PXDN: variants seen among roughly 807,000 people sequenced by gnomAD.
The protein encoded by PXDN is peroxidasin, also known as peroxidasin homolog.
A neutral mutation model predicts 140.3 loss-of-function variants in PXDN; 77 were observed. The ratio of observed to expected loss-of-function variants is 0.55; its 90% CI spans 0.46 to 0.66. The LOEUF (loss-of-function observed/expected upper bound fraction) is 0.66. PXDN is among the 30% of genes least tolerant of loss of function. PXDN has a pLI of 0.00. For missense variants in PXDN, 1,838 were observed against 2,039.5 expected (o/e 0.90, Z 1.90); for synonymous variants, 911 against 857.4 (o/e 1.06, Z -1.09).
At chr2:1,696,122 C>T (rs1249348869) in intron 1 of PXDN, among the ~76,000 whole-genome samples, 1 of 152,238 alleles carries the variant, frequency 6.6e-6, no homozygotes, top group Admixed American at 6.5e-5. Flanking sequence ...ATAAATATAT[C>T]TTCGATAAAA....
chr2:1,692,445 G>A, intron 2 of PXDN: 2 of 468,834 alleles, frequency 4.3e-6, no homozygotes, highest in Middle Eastern at 3.3e-4. Flanking sequence ...CCTGGGGTGA[G>A]AGACCCCGGG....
At chr2:1,740,209 C>T (rs887444584) in intron 1 of PXDN, among the ~76,000 whole-genome samples, 1 of 152,176 alleles carries the variant, frequency 6.6e-6, no homozygotes, top group Admixed American at 6.5e-5. Flanking sequence ...AGGGAGTCCC[C>T]GGCAGGCGGG....
chr2:1,721,615 T>A (rs1400364141), intron 1 of PXDN, among the ~76,000 whole-genome samples: 2 of 152,160 alleles, frequency 1.3e-5, no homozygotes, highest in Non-Finnish European at 2.9e-5. Context: ...GGCGGGCGGA[T>A]CACGAGGTCA....
intron 11 of PXDN, 125 bp from the exon 12 acceptor site, chr2:1,663,888 G>A: frequency 8.2e-7 from 1 of 1,226,170 alleles, no homozygotes; most frequent in Non-Finnish European, 1.1e-6. Context: ...ATTTGGCCTG[G>A]CCCTGCATAA....
At chr2:1,634,457 T>C in intron 22 of PXDN, 134 bp from the exon 23 acceptor site, 1 of 1,177,584 alleles carries the variant, frequency 8.5e-7, no homozygotes, top group Non-Finnish European at 1.2e-6. Flanking sequence ...CCTTGCCCGC[T>C]GTACTTGCCC....
intron 1 of PXDN, among the ~76,000 whole-genome samples, chr2:1,697,746 C>G (rs536982834): frequency 1.5e-4 from 23 of 152,300 alleles, no homozygotes; most frequent in African/African-American, 5.5e-4. Flanking sequence ...GCTGAGGGTA[C>G]TGGAGAGGGA....
Position 1,665,054 on chromosome 2 carries a change from T to A in PXDN, c.1312A>T (p.Thr438Ser). The A allele has an allele frequency of 6.2e-7, 1 of 1,609,126 alleles. No homozygotes were observed. The highest frequency in any genetic ancestry group is 8.5e-7 in the Non-Finnish European group (1 of 1,177,372). ...TCAATAACGACTCTGTCCTGAGGCG[T>A]CACAGTGAACTGAGGAAGAGCTTCC... is the stretch of plus-strand genomic sequence containing the variant. ...IVQALPQFTV[T>S]PQDRVVIEGQ... Residue 438 changes from threonine (T) to serine (S), a missense_variant, in exon 11 of 23, where the codon ACG becomes TCG. Around this residue, in one of 5 missense-constraint regions of PXDN, gnomAD observed 537 missense variants for 583.9 expected, o/e 0.92. Coordinates refer to ENST00000252804, the MANE Select transcript of PXDN (RefSeq NM_012293.3).
intron 9 of PXDN, among the ~76,000 whole-genome samples, chr2:1,668,094 C>T (rs1018885864): frequency 6.6e-5 from 10 of 152,104 alleles, no homozygotes; most frequent in Admixed American, 3.3e-4. Flanking sequence ...ATAGTGCTAC[C>T]GAAACAGAGA....
rs187035834 is a variant in PXDN at position 1,688,167 on chromosome 2, C to A, written c.345-464G>T. 1.2e-3 allele frequency among the ~76,000 whole-genome samples: 179 copies of A among 152,282 alleles called. 1 individual carries two copies. Among genetic ancestry groups the A allele is most frequent in the South Asian group, 1.4e-3 (7 of 4,828 alleles). On this transcript the variant is annotated intron_variant, in intron 3 of 22. Transcript: ENST00000252804. ...CCTTGAATAACTCACCCCTAGAATC[C>A]CATTCTTAGAAAACAGAAGCAACAG...
At chr2:1,723,451 G>A (rs1685099718) in intron 1 of PXDN, among the ~76,000 whole-genome samples, 1 of 152,134 alleles carries the variant, frequency 6.6e-6, no homozygotes, top group African/African-American at 2.4e-5. Flanking sequence ...AGTGGTTATG[G>A]ATGAATGGAC....
chr2:1,742,061 TC>T (rs1292657020), intron 1 of PXDN, among the ~76,000 whole-genome samples: 2 of 152,244 alleles, frequency 1.3e-5, no homozygotes, highest in Middle Eastern at 3.4e-3. Flanking sequence ...CCTCACGTTC[TC>T]CCAGGAGACA....
In PXDN at chr2:1,670,205, G is replaced by A. The variant is rs149909258; in HGVS notation, c.1018+3438C>T. 7.5e-3 allele frequency among the ~76,000 whole-genome samples: 1,142 copies of A among 152,260 alleles called. 19 individuals carry two copies. Among genetic ancestry groups the A allele is most frequent in the African/African-American group, 0.026 (1,072 of 41,538 alleles). Reference sequence around the variant, plus strand: ...GAATAAATAACACACAACTGTGATAGCTAAAGATTTGGAAAAAAATCTAAA... The same window carrying A: ...GAATAAATAACACACAACTGTGATAACTAAAGATTTGGAAAAAAATCTAAA... On this transcript the variant is annotated intron_variant, in intron 9 of 22. Coordinates refer to ENST00000252804, the MANE Select transcript of PXDN (RefSeq NM_012293.3).
Position 1,685,146 on chromosome 2 carries a change from G to T in PXDN, c.417-995C>A, listed in dbSNP as rs1353773652. On this transcript the variant is annotated intron_variant, in intron 4 of 22. Transcript: ENST00000252804. The surrounding 1 kb of genome is among the most constrained non-coding windows in gnomAD (Gnocchi z 5.1). ...CTGCCAGGGCCCGCCCCGTCCCGGG[G>T]CCAGCTCCCCAGGCAGCACCCACAC... 6.6e-6 allele frequency among the ~76,000 whole-genome samples: 1 copy of T among 152,240 alleles called. No homozygotes were observed. Among genetic ancestry groups the T allele is most frequent in the Admixed American group, 6.5e-5 (1 of 15,288 alleles).
intron 9 of PXDN, among the ~76,000 whole-genome samples, chr2:1,671,315 A>C (rs1558501254): frequency 6.6e-6 from 1 of 152,218 alleles, no homozygotes. Context: ...GTTTGGACAA[A>C]CAGTTCAGAA....
Position 1,680,231 on chromosome 2 carries a change from C to A in PXDN, c.692G>T (p.Arg231Leu), listed in dbSNP as rs772595440. ...ICEYPRRIQG[R>L]SVATITPEEL... ...TTCCGGGGTGATGGTTGCCACTGAGCGTCCCTGGATGCGTCTGGGATATTC... is the reference window on the plus strand; with the variant it reads ...TTCCGGGGTGATGGTTGCCACTGAGAGTCCCTGGATGCGTCTGGGATATTC... The change falls in exon 7 of 23, where the codon CGC (arginine) becomes CTC (leucine). Residue 231 changes from arginine (R) to leucine (L), a missense_variant. Arg to Leu is a moderately radical substitution (Grantham distance 102). This residue lies in a region of PXDN where 208 missense variants were observed against 325.8 expected (regional missense o/e 0.64). Coordinates refer to ENST00000252804, the MANE Select transcript of PXDN (RefSeq NM_012293.3). 2 of 1,602,962 alleles carry A rather than the reference C, an allele frequency of 1.2e-6. No individual in the cohort carries two copies. The highest frequency in any genetic ancestry group is 1.1e-5 in the South Asian group (1 of 88,978).
rs1284070303 is a variant in PXDN at position 1,654,395 on chromosome 2, G to T, written c.1946+5C>A. 1 of 1,606,002 alleles carries T rather than the reference G, an allele frequency of 6.2e-7. No individual in the cohort carries two copies. Among genetic ancestry groups the T allele is most frequent in the African/African-American group, 1.3e-5 (1 of 74,806 alleles). ...AGGGTCAGCGTGTTTACAGCCCCACGATACCTGTCAAACAAATGTGTTCGG... is the reference window on the plus strand; with the variant it reads ...AGGGTCAGCGTGTTTACAGCCCCACTATACCTGTCAAACAAATGTGTTCGG... On this transcript the variant is annotated splice_donor_5th_base_variant and intron_variant, in intron 15 of 22. Transcript: ENST00000252804.
At chr2:1,673,540 C>G in intron 9 of PXDN, 103 bp downstream of exon 9, 1 of 1,443,570 alleles carries the variant, frequency 6.9e-7, no homozygotes, top group Non-Finnish European at 9.4e-7. Flanking sequence ...CAACTTCAGA[C>G]TTCAATGTTC....
intron 1 of PXDN, among the ~76,000 whole-genome samples, chr2:1,703,265 GTA>G (rs1202403290): frequency 3.2e-4 from 1 of 3,126 alleles, no homozygotes; most frequent in Non-Finnish European, 9.5e-4. Flanking sequence ...CCAGGTGAAG[GTA>G]GGGGGCAACT....
intron 1 of PXDN, among the ~76,000 whole-genome samples, chr2:1,706,911 T>G (rs1240632094): frequency 1.4e-5 from 2 of 139,032 alleles, no homozygotes; most frequent in East Asian, 5.2e-4. Context: ...AGAGCACGCT[T>G]CACTGTTCAC....
Sources: gnomAD v4.1 joint callset for allele counts (sites outside exome capture counted in the v4.1 genomes callset) on GRCh38, gnomAD v4.1.1 for gene constraint, gnomAD v4.1.1 regional missense constraint, Gnocchi (gnomAD v3.1) non-coding constraint, MANE v1.5 for transcripts, NCBI Gene and HGNC (gene_info 2026-07-23, HGNC 2026-07-21) for gene names.